The following POMP variants were observed in gnomAD, a reference collection of about 807,000 sequenced individuals.
POMP encodes the protein proteasome maturation protein.
A neutral mutation model predicts 20.6 loss-of-function variants in POMP; 12 were observed. The ratio of observed to expected loss-of-function variants is 0.58; its 90% confidence interval spans 0.37 to 0.94. The LOEUF (loss-of-function observed/expected upper bound fraction) is 0.94. Ranked by LOEUF, POMP falls within the 40% of genes least tolerant of loss-of-function variation. POMP has a pLI of 0.01. For missense variants in POMP, 136 were observed against 161.1 expected (o/e 0.84, Z 0.84); for synonymous variants, 53 against 55.0 (o/e 0.96, Z 0.16).
rs1408135642 is a variant in POMP, at chr13:28,662,456, C to T, written c.50C>T (p.Thr17Ile). The change falls in exon 2 of 6, where the codon ACT becomes ATT. Residue 17 changes from threonine (T) to isoleucine (I), a missense_variant. Coordinates refer to ENST00000380842, the MANE Select transcript of POMP (RefSeq NM_015932.6). ...GAGCTAAAGGACAGTATTCCAGTTACTGAACTTTCAGCAAGTGGACCTTTT... is the reference window on the plus strand; with the variant it reads ...GAGCTAAAGGACAGTATTCCAGTTATTGAACTTTCAGCAAGTGGACCTTTT... Reference protein sequence around the residue: ...GSELKDSIPVTELSASGPFES... With the variant: ...GSELKDSIPVIELSASGPFES... 19 of 1,613,848 alleles carry T rather than the reference C, an allele frequency of 1.2e-5. No homozygotes were observed. The highest frequency in any genetic ancestry group is 1.6e-5 in the Non-Finnish European group (19 of 1,179,882).
chr13:28,662,306 T>C (rs1461134433), intron 1 of POMP, 104 bp from the exon 2 acceptor site: 1 of 789,778 alleles, frequency 1.3e-6, no homozygotes, highest in African/African-American at 1.8e-5. Context: ...TTTGAGGGCC[T>C]CTTATTTTTC....
In POMP at chr13:28,668,469, G is replaced by T. The variant is rs751354730; in HGVS notation, c.163-4G>T. ...AATGTTTAAAATTACATTGTCTTTT[G>T]TAGTTCCAGCTCAACCAAGATAAAA... On this transcript the variant is annotated splice_region_variant and splice_polypyrimidine_tract_variant and intron_variant, in intron 3 of 5. Transcript: ENST00000380842. The T allele has an allele frequency of 6.3e-7, 1 of 1,586,202 alleles. No individual in the cohort carries two copies. Among genetic ancestry groups the T allele is most frequent in the South Asian group, 1.1e-5 (1 of 90,548 alleles).
At chr13:28,667,255 G>C (rs1884464754) in intron 3 of POMP, among the ~76,000 whole-genome samples, 1 of 152,146 alleles carries the variant, frequency 6.6e-6, no homozygotes, top group South Asian at 2.1e-4. Flanking sequence ...TGCTGGGTGT[G>C]GTGGGGTGTG....
intron 5 of POMP, among the ~76,000 whole-genome samples, chr13:28,676,807 C>G (rs1018662): frequency 0.046 from 7,012 of 152,228 alleles, 533 homozygotes; most frequent in African/African-American, 0.16. Flanking sequence ...TTCATGTACT[C>G]TAATCCCCTA....
rs1218607185 is a variant in POMP at position 28,673,476 on chromosome 13, A to G, written c.358+1044A>G. Among the ~76,000 whole-genome samples the G allele has an allele frequency of 6.6e-5, 10 of 152,374 alleles. No homozygotes were observed. In the East Asian group the frequency reaches 1.2e-3, roughly 18 times the overall value. On this transcript the variant is annotated intron_variant, in intron 5 of 5. Coordinates refer to ENST00000380842, the MANE Select transcript of POMP (RefSeq NM_015932.6). ...TTCTGGTCCTGAGGAAGATAAACAA[A>G]TACAATCCTGTCCAATGCTGCCTCT...
chr13:28,675,642 C>T (rs1299419005), intron 5 of POMP, among the ~76,000 whole-genome samples: 2 of 152,200 alleles, frequency 1.3e-5, no homozygotes, highest in African/African-American at 2.4e-5. Context: ...CTCAGAGAGT[C>T]CTCCGTTAAC....
intron 2 of POMP, 135 bp downstream of exon 2, chr13:28,662,642 A>G: frequency 1.4e-6 from 1 of 730,786 alleles, no homozygotes; most frequent in South Asian, 1.6e-5. Flanking sequence ...TGGGGTGCAG[A>G]GGGGAAGAGG....
Position 28,675,143 on chromosome 13 carries a change from A to ACTTT in POMP, c.358+2711_358+2712insCTTT, listed in dbSNP as rs1555257279. ...TAGGAAAAATCACCTGTTTAGGTAG[A>ACTTT]TTTTTTTTGTTTTGGAGACACGAGT... is the stretch of plus-strand genomic sequence containing the variant. On this transcript the variant is annotated intron_variant, in intron 5 of 5. Coordinates refer to ENST00000380842, the MANE Select transcript of POMP (RefSeq NM_015932.6). 1.1e-4 allele frequency among the ~76,000 whole-genome samples: 17 copies of ACTTT among 150,742 alleles called. 1 individual carries two copies. Among genetic ancestry groups the ACTTT allele is most frequent in the African/African-American group, 3.9e-4 (16 of 40,748 alleles).
Position 28,670,875 on chromosome 13 carries a change from C to A in POMP, c.265-1464C>A, listed in dbSNP as rs879621147. On this transcript the variant is annotated intron_variant, in intron 4 of 5. Transcript: ENST00000380842. ...TAGCCTGGCCAACATGGTGAAACCC[C>A]GTCTCTACTAAAAATACAAAAATTA... Among the ~76,000 whole-genome samples the A allele has an allele frequency of 3.3e-5, 5 of 150,948 alleles. No homozygotes were observed. The South Asian group carries it at 1.0e-3, about 32-fold the overall frequency.
Position 28,662,525 on chromosome 13 carries a change from G to A in POMP, c.101+18G>A. On this transcript the variant is annotated intron_variant, in intron 2 of 5. Transcript: ENST00000380842. ...CGGAAAGGGTATATGGGGGAGTTAT[G>A]ACTTTGATTTTGTTATGTTTCTGTG... is the stretch of plus-strand genomic sequence containing the variant. 1 of 1,563,030 alleles carries A rather than the reference G, an allele frequency of 6.4e-7. No individual in the cohort carries two copies. Among genetic ancestry groups the A allele is most frequent in the Non-Finnish European group, 8.8e-7 (1 of 1,133,792 alleles).
At chr13:28,673,604 A>C (rs1447696653) in intron 5 of POMP, among the ~76,000 whole-genome samples, 1 of 152,224 alleles carries the variant, frequency 6.6e-6, no homozygotes, top group African/African-American at 2.4e-5. Context: ...AATGCTGTGG[A>C]CATAACAGAA....
intron 4 of POMP, among the ~76,000 whole-genome samples, chr13:28,671,076 A>G (rs1307105538): frequency 6.6e-6 from 1 of 152,144 alleles, no homozygotes; most frequent in Non-Finnish European, 1.5e-5. Context: ...GATAAATTCT[A>G]CTAATACTAT....
chr13:28,659,682 C>T, intron 1 of POMP: 1 of 175,892 alleles, frequency 5.7e-6, no homozygotes, highest in South Asian at 1.2e-4. Context: ...GCTCTACAAA[C>T]TTTTTTGAGA....
At chr13:28,673,104 G>C (rs1884578987) in intron 5 of POMP, among the ~76,000 whole-genome samples, 1 of 145,992 alleles carries the variant, frequency 6.8e-6, no homozygotes, top group Non-Finnish European at 1.5e-5. Flanking sequence ...GGAGTCTTGT[G>C]CTGTTACCCG....
At chr13:28,659,349 G>T (rs947392993) in intron 1 of POMP, among the ~76,000 whole-genome samples, 162 bp downstream of exon 1, 11 of 152,174 alleles carry the variant, frequency 7.2e-5, no homozygotes, top group African/African-American at 2.7e-4. Context: ...ACGGGGTTTG[G>T]GTGGGTCGTG....
intron 5 of POMP, among the ~76,000 whole-genome samples, chr13:28,676,294 G>A (rs1884628063): frequency 6.6e-6 from 1 of 152,070 alleles, no homozygotes; most frequent in Non-Finnish European, 1.5e-5. Flanking sequence ...GTGGGCCACC[G>A]CGCCTGGCCG....
chr13:28,673,205 G>A (rs541892552), intron 5 of POMP, among the ~76,000 whole-genome samples: 1 of 151,728 alleles, frequency 6.6e-6, no homozygotes, highest in East Asian at 1.9e-4. Context: ...CAAGTAGCTG[G>A]GATTACAGGC....
At position 28,664,497 on chromosome 13, in the gene POMP, ATG is replaced by A. The variant is rs1458312597; in HGVS notation, c.102-10_102-9del. The A allele has an allele frequency of 6.5e-7, 1 of 1,548,736 alleles. No homozygotes were observed. The highest frequency in any genetic ancestry group is 1.7e-4 in the Middle Eastern group (1 of 5,886). The stretch of plus-strand genomic sequence containing the variant: ...ATCTCCTCTAAATGTTTTTTTTTTA[ATG>A]TCCTTTCAGTTTTTCTTGTGTGAAA... On this transcript the variant is annotated splice_polypyrimidine_tract_variant and intron_variant, in intron 2 of 5. Coordinates refer to ENST00000380842, the MANE Select transcript of POMP (RefSeq NM_015932.6).
At chr13:28,663,966 G>A (rs1013071038) in intron 2 of POMP, among the ~76,000 whole-genome samples, 5 of 152,290 alleles carry the variant, frequency 3.3e-5, no homozygotes, top group Non-Finnish European at 5.9e-5. Flanking sequence ...GGATAATAAG[G>A]TAGTCATCTT....
Sources: allele counts gnomAD v4.1 joint callset (sites outside exome capture counted in the v4.1 genomes callset), GRCh38; gene constraint gnomAD v4.1.1; transcripts MANE v1.5; gene names NCBI Gene and HGNC (gene_info 2026-07-23, HGNC 2026-07-21).